Variants in PCDHGA9 observed in about 807,000 individuals in gnomAD.
The protein encoded by PCDHGA9 is protocadherin gamma subfamily A, 9, also known as protocadherin gamma-A9.
A neutral mutation model predicts 62.5 loss-of-function variants in PCDHGA9; 37 were observed. The ratio of observed to expected loss-of-function variants is 0.59; its 90% confidence interval spans 0.46 to 0.78. The LOEUF (loss-of-function observed/expected upper bound fraction) is 0.78, where lower values mean the gene tolerates loss of function less well. Among genes scored for constraint, PCDHGA9 ranks in the 30% least tolerant of loss-of-function variants. PCDHGA9 has a pLI of 0.00. For synonymous variants in PCDHGA9, 459 were observed against 484.6 expected, an observed-to-expected ratio of 0.95 and a Z score of 0.69; for missense variants, 1,138 against 1,166.2, an observed-to-expected ratio of 0.98 and a Z score of 0.35.
intron 1 of PCDHGA9, among the ~76,000 whole-genome samples, chr5:141,481,309 T>C (rs577046585): frequency 2.6e-4 from 39 of 152,310 alleles, no homozygotes; most frequent in African/African-American, 9.1e-4. Context: ...GGAAAAACCT[T>C]CCTAAAGCAC....
chr5:141,455,140 A>G (rs1465733732), intron 1 of PCDHGA9, among the ~76,000 whole-genome samples: 1 of 150,512 alleles, frequency 6.6e-6, no homozygotes, highest in Non-Finnish European at 1.5e-5. Context: ...ACACTGTGTT[A>G]AATAAATATT....
intron 1 of PCDHGA9, chr5:141,412,044 A>T (rs1403784619): frequency 6.6e-6 from 1 of 152,194 alleles, no homozygotes; most frequent in East Asian, 1.9e-4. Context: ...AAAGAAGTGA[A>T]CTTCTATACC....
rs532631149 is a variant in PCDHGA9, at chr5:141,506,489, C to A, written c.2572+1008C>A. On this transcript the variant is annotated intron_variant, in intron 3 of 3. Transcript: ENST00000573521. ...AAGAGCACAGGCTTTAGAGGCAGGC[C>A]AATCTGGATTCAAATCCTGGCACCT... 1.9e-4 allele frequency among the ~76,000 whole-genome samples: 29 copies of A among 150,750 alleles called. 1 individual carries two copies. In the South Asian group the frequency reaches 5.9e-3, roughly 31 times the overall value.
chr5:141,413,230 C>T (rs2095618383), intron 1 of PCDHGA9: 4 of 1,613,826 alleles, frequency 2.5e-6, no homozygotes, highest in Non-Finnish European at 3.4e-6. Flanking sequence ...CGGGCTGGTC[C>T]TGCTCTGCCT....
At chr5:141,495,810 C>A (rs1003475681) in intron 2 of PCDHGA9, among the ~76,000 whole-genome samples, 2 of 152,088 alleles carry the variant, frequency 1.3e-5, no homozygotes, top group African/African-American at 4.8e-5. Flanking sequence ...CGTTTCCTAG[C>A]GCCTTGTGTT....
In PCDHGA9 at chr5:141,486,748, T is replaced by C; in HGVS notation, c.2425-8059T>C. ...TTCATGCTACTCGATCCTTTGACTA[T>C]GAGCAAACCCAGACACTGCAGTTTG... is the stretch of plus-strand genomic sequence containing the variant. On this transcript the variant is annotated intron_variant, in intron 1 of 3. Coordinates refer to ENST00000573521, the MANE Select transcript of PCDHGA9 (RefSeq NM_018921.3). The surrounding 1 kb of genome is among the most constrained non-coding windows in gnomAD (Gnocchi z 5.0). 6.2e-7 allele frequency: 1 copy of C among 1,614,230 alleles called. No individual in the cohort carries two copies. The highest frequency in any genetic ancestry group is 8.5e-7 in the Non-Finnish European group (1 of 1,180,042).
chr5:141,467,602 A>G (rs981250164), intron 1 of PCDHGA9, among the ~76,000 whole-genome samples: 3 of 152,216 alleles, frequency 2.0e-5, no homozygotes, highest in Non-Finnish European at 4.4e-5. Flanking sequence ...TAAGCACTTC[A>G]TCTTTGTCCC....
intron 1 of PCDHGA9, chr5:141,419,543 G>A (rs573594140): frequency 2.5e-5 from 40 of 1,612,106 alleles, no homozygotes; most frequent in African/African-American, 2.0e-4. Context: ...CGCACCGCGG[G>A]TGCTGTACCC....
chr5:141,422,535 A>T lies in PCDHGA9; in HGVS notation c.2424+17159A>T, dbSNP rs760963618. On this transcript the variant is annotated intron_variant, in intron 1 of 3. Transcript: ENST00000573521. ...AGGGAAGCCCGCCTTTGTCTGCAGA[A>T]ACTCATGTCTGGCTGAATGTGGCAG... 20 of 1,613,826 alleles carry T rather than the reference A, an allele frequency of 1.2e-5. 1 individual carries two copies. Among genetic ancestry groups the T allele is most frequent in the Non-Finnish European group, 8.5e-7 (1 of 1,179,882 alleles).
chr5:141,486,505 T>C lies in PCDHGA9; in HGVS notation c.2425-8302T>C. The C allele has an allele frequency of 6.2e-7, 1 of 1,614,156 alleles. No individual in the cohort carries two copies. ...GTACCCACAGAACTATTTTCCTCAA[T>C]ATTTCAGATGTGAATGATAATCCAC... is the stretch of plus-strand genomic sequence containing the variant. On this transcript the variant is annotated intron_variant, in intron 1 of 3. Coordinates refer to ENST00000573521, the MANE Select transcript of PCDHGA9 (RefSeq NM_018921.3). The surrounding 1 kb of genome is among the most constrained non-coding windows in gnomAD (Gnocchi z 5.0).
At chr5:141,415,177 G>A (rs758980730) in intron 1 of PCDHGA9, 26 of 1,613,808 alleles carry the variant, frequency 1.6e-5, no homozygotes, top group East Asian at 4.5e-5. Flanking sequence ...CACCGTGGCC[G>A]TGGCCGACAG....
At chr5:141,429,801 C>T (rs2097245893) in intron 1 of PCDHGA9, among the ~76,000 whole-genome samples, 1 of 152,104 alleles carries the variant, frequency 6.6e-6, no homozygotes, top group African/African-American at 2.4e-5. Flanking sequence ...CAGTAATTCT[C>T]AGTAATTACA....
At chr5:141,409,184 T>C in intron 1 of PCDHGA9, 1 of 1,614,044 alleles carries the variant, frequency 6.2e-7, no homozygotes, top group Non-Finnish European at 8.5e-7. Context: ...AGGTGGTCTC[T>C]CTACCCAGTG....
chr5:141,415,452 C>T, intron 1 of PCDHGA9: 1 of 1,614,240 alleles, frequency 6.2e-7, no homozygotes, highest in South Asian at 1.1e-5. Flanking sequence ...CCTATTCCCA[C>T]GAGGTCTCTC....
rs776543767 is a variant in PCDHGA9 at position 141,432,028 on chromosome 5, C to G, written c.2424+26652C>G. The G allele has an allele frequency of 6.2e-7, 1 of 1,614,168 alleles. No homozygotes were observed. The highest frequency in any genetic ancestry group is 2.2e-5 in the East Asian group (1 of 44,882). On this transcript the variant is annotated intron_variant, in intron 1 of 3. Transcript: ENST00000573521. This position sits in a 1 kb window ranked among gnomAD's most constrained non-coding sequence, Gnocchi z 6.0. ...TTCCTAGCTACAACATCACAGTGAC[C>G]GCCACTGACCGGGGAACCCCGCCCC...
At position 141,404,215 on chromosome 5, in the gene PCDHGA9, G is replaced by A; in HGVS notation, c.1263G>A (p.Thr421=). 1 of 1,613,346 alleles carries A rather than the reference G, an allele frequency of 6.2e-7. No homozygotes were observed. The highest frequency in any genetic ancestry group is 8.5e-7 in the Non-Finnish European group (1 of 1,179,650). ...DREKASEYNI[T]VTATDRGTPP... ...AAAAAGCCTCAGAATATAATATCAC[G>A]GTGACTGCAACAGACAGAGGAACTC... is the stretch of plus-strand genomic sequence containing the variant. Residue 421 remains threonine, a synonymous_variant, in exon 1 of 4, where the codon ACG becomes ACA. Transcript: ENST00000573521.
At position 141,422,030 on chromosome 5, in the gene PCDHGA9, C is replaced by T. The variant is rs1404612424; in HGVS notation, c.2424+16654C>T. ...ACTCGGGTGCTGATGGTTAATGCAA[C>T]GGATCCAGACGAGGGAATCAACGGG... On this transcript the variant is annotated intron_variant, in intron 1 of 3. Coordinates refer to ENST00000573521, the MANE Select transcript of PCDHGA9 (RefSeq NM_018921.3). 3 of 1,609,592 alleles carry T rather than the reference C, an allele frequency of 1.9e-6. No homozygotes were observed. The South Asian group carries it at 3.3e-5, about 18-fold the overall frequency.
At chr5:141,412,981 G>C (rs1309699690) in intron 1 of PCDHGA9, 2 of 546,326 alleles carry the variant, frequency 3.7e-6, no homozygotes, top group Non-Finnish European at 3.1e-6. Context: ...AACGCAGCCA[G>C]AGCTCAATCC....
At chr5:141,456,148 C>T (rs1408257938) in intron 1 of PCDHGA9, among the ~76,000 whole-genome samples, 13 of 152,078 alleles carry the variant, frequency 8.5e-5, no homozygotes, top group African/African-American at 3.1e-4. Flanking sequence ...CCGCCCGCCT[C>T]GGCCTCCTAA....
Sources: gnomAD v4.1 joint callset for allele counts (sites outside exome capture counted in the v4.1 genomes callset) on GRCh38, gnomAD v4.1.1 for gene constraint, Gnocchi (gnomAD v3.1) non-coding constraint, MANE v1.5 for transcripts, NCBI Gene and HGNC (gene_info 2026-07-23, HGNC 2026-07-21) for gene names.